WDPCP: variants seen among roughly 807,000 people sequenced by gnomAD.
The protein encoded by WDPCP is WD repeat-containing and planar cell polarity effector protein fritz homolog.
WDPCP carries 71 observed loss-of-function variants against 93.1 expected under a neutral mutation model. That is an observed-to-expected ratio of 0.76 (90% CI 0.63 to 0.93). The LOEUF is 0.93. Among genes scored for constraint, WDPCP ranks in the 40% least tolerant of loss-of-function variants. The pLI, the probability that WDPCP is intolerant of heterozygous loss-of-function variation, is 0.00. For missense variants in WDPCP, 844 were observed against 887.4 expected (o/e 0.95, Z 0.62); for synonymous variants, 315 against 315.0 (o/e 1.00, Z 0.00).
intron 12 of WDPCP, among the ~76,000 whole-genome samples, chr2:63,318,184 T>C (rs1313303177): frequency 6.6e-6 from 1 of 152,108 alleles, no homozygotes; most frequent in Non-Finnish European, 1.5e-5. Flanking sequence ...TCACTAATCG[T>C]TAGAGAAATG....
chr2:63,661,645 C>A (rs1710227564), intron 2 of WDPCP, among the ~76,000 whole-genome samples: 1 of 152,294 alleles, frequency 6.6e-6, no homozygotes, highest in Admixed American at 6.5e-5. Context: ...ATTTCTGTTA[C>A]AATGTTCGGT....
At chr2:63,682,465 G>T (rs2103636670) in intron 2 of WDPCP, among the ~76,000 whole-genome samples, 1 of 151,934 alleles carries the variant, frequency 6.6e-6, no homozygotes, top group Middle Eastern at 3.4e-3. Context: ...TTGAAGATGG[G>T]TTATTTGAAA....
intron 9 of WDPCP, among the ~76,000 whole-genome samples, chr2:63,409,710 A>T (rs1193037535): frequency 6.6e-6 from 1 of 152,178 alleles, no homozygotes; most frequent in Non-Finnish European, 1.5e-5. Context: ...AAACAGTGAA[A>T]AATTCAGGAA....
chr2:63,820,610 C>G (rs1167341987), intron 1 of WDPCP, among the ~76,000 whole-genome samples: 1 of 152,180 alleles, frequency 6.6e-6, no homozygotes, highest in East Asian at 1.9e-4. Flanking sequence ...TGAACCTTGA[C>G]TTTGCCTCCC....
chr2:63,378,758 C>G (rs1387582971), intron 11 of WDPCP, among the ~76,000 whole-genome samples: 1 of 152,026 alleles, frequency 6.6e-6, no homozygotes, highest in African/African-American at 2.4e-5. Context: ...CATAATGAAC[C>G]AACCTCTCAC....
At chr2:63,303,456 G>T (rs1020790476) in intron 13 of WDPCP, among the ~76,000 whole-genome samples, 1 of 152,110 alleles carries the variant, frequency 6.6e-6, no homozygotes, top group African/African-American at 2.4e-5. Context: ...TGACTGATAC[G>T]CCTGGACCCT....
intron 14 of WDPCP, among the ~76,000 whole-genome samples, chr2:63,216,678 G>C (rs1191038013): frequency 1.3e-5 from 2 of 151,052 alleles, no homozygotes; most frequent in Non-Finnish European, 2.9e-5. Flanking sequence ...TGCACATTGG[G>C]TACATGTACC....
intron 1 of WDPCP, among the ~76,000 whole-genome samples, chr2:63,579,547 T>C (rs1201939712): frequency 6.6e-6 from 1 of 151,730 alleles, no homozygotes; most frequent in Non-Finnish European, 1.5e-5. Flanking sequence ...GAGGCAGAGG[T>C]TGTGGTGAGT....
intron 14 of WDPCP, chr2:63,228,297 T>A (rs1045871646): frequency 6.6e-6 from 1 of 151,754 alleles, no homozygotes; most frequent in African/African-American, 2.4e-5. Flanking sequence ...TCCTTACACC[T>A]AACTATAATC....
In WDPCP at chr2:63,141,567, G is replaced by A. The variant is rs181473980; in HGVS notation, c.2190+11347C>T. Among the ~76,000 whole-genome samples, 36 of 152,220 alleles carry A rather than the reference G, an allele frequency of 2.4e-4. 1 individual carries two copies. The East Asian group carries it at 5.6e-3, about 24-fold the overall frequency. On this transcript the variant is annotated intron_variant, in intron 17 of 17. Coordinates refer to ENST00000272321, the MANE Select transcript of WDPCP (RefSeq NM_015910.7). Reference sequence around the variant, plus strand: ...AACATCAATGTTCATCAAGGATATCGGTCTATAGTTTTCTTTTTTGGTTAT... The same window carrying A: ...AACATCAATGTTCATCAAGGATATCAGTCTATAGTTTTCTTTTTTGGTTAT...
At chr2:63,730,798 A>G (rs1238383817) in intron 2 of WDPCP, among the ~76,000 whole-genome samples, 1 of 152,182 alleles carries the variant, frequency 6.6e-6, no homozygotes, top group Admixed American at 6.5e-5. Context: ...ATAATGATTT[A>G]CTAGTAGGAA....
At chr2:63,567,745 A>AT (rs983226272) in intron 1 of WDPCP, among the ~76,000 whole-genome samples, 12 of 151,880 alleles carry the variant, frequency 7.9e-5, no homozygotes, top group African/African-American at 1.9e-4. Context: ...ATATTTGTGT[A>AT]TTTTTTTTGA....
intron 1 of WDPCP, among the ~76,000 whole-genome samples, chr2:63,513,108 G>T (rs1702338660): frequency 6.6e-6 from 1 of 151,800 alleles, no homozygotes; most frequent in Non-Finnish European, 1.5e-5. Context: ...GAGGCCTGAG[G>T]CTTCTGAACT....
At chr2:63,191,535 A>G (rs1675042344) in intron 14 of WDPCP, among the ~76,000 whole-genome samples, 3 of 152,226 alleles carry the variant, frequency 2.0e-5, no homozygotes, top group Admixed American at 2.0e-4. Context: ...CAGATTTTGC[A>G]GTATTTGGCC....
chr2:63,822,987 C>A (rs1158071504), intron 1 of WDPCP, among the ~76,000 whole-genome samples: 1 of 151,294 alleles, frequency 6.6e-6, no homozygotes, highest in Non-Finnish European at 1.5e-5. Context: ...TTAATTAAAT[C>A]TTTGAAAAAA....
At chr2:63,359,322 C>G (rs1690261288) in intron 12 of WDPCP, among the ~76,000 whole-genome samples, 1 of 152,130 alleles carries the variant, frequency 6.6e-6, no homozygotes, top group Non-Finnish European at 1.5e-5. Flanking sequence ...TTTTTAGAAG[C>G]ATATGTTCAA....
chr2:63,146,253 G>A (rs890460854), intron 17 of WDPCP, among the ~76,000 whole-genome samples: 1 of 152,174 alleles, frequency 6.6e-6, no homozygotes, highest in Admixed American at 6.5e-5. Context: ...TTGAATAGGA[G>A]TGGTGAGAGA....
intron 6 of WDPCP, among the ~76,000 whole-genome samples, chr2:63,456,686 G>A (rs1698642763): frequency 6.6e-6 from 1 of 152,096 alleles, no homozygotes; most frequent in African/African-American, 2.4e-5. Flanking sequence ...AAACAAAATA[G>A]ACTAAAAAAA....
chr2:63,640,042 G>A (rs1340629849), intron 3 of WDPCP, among the ~76,000 whole-genome samples: 3 of 152,030 alleles, frequency 2.0e-5, no homozygotes, highest in Non-Finnish European at 2.9e-5. Context: ...ACGGAGTCTC[G>A]CTGTCTCCCA....
Sources: gnomAD v4.1 joint callset for allele counts (sites outside exome capture counted in the v4.1 genomes callset) on GRCh38, gnomAD v4.1.1 for gene constraint, MANE v1.5 for transcripts, NCBI Gene and HGNC (gene_info 2026-07-23, HGNC 2026-07-21) for gene names.